Variants in KCNH5 observed in about 807,000 individuals in gnomAD.
KCNH5 encodes the protein potassium voltage-gated channel subfamily H member 5, also known as voltage-gated delayed rectifier potassium channel KCNH5.
KCNH5 carries 46 observed loss-of-function variants against 96.1 expected under a neutral mutation model. The observed-to-expected ratio is 0.48, with a 90% confidence interval of 0.38 to 0.61. The LOEUF (loss-of-function observed/expected upper bound fraction) is 0.61. Among genes scored for constraint, KCNH5 ranks in the 20% least tolerant of loss-of-function variants. The probability of loss-of-function intolerance (pLI) is 0.00; values close to 1 mark genes in which losing one functional copy is unlikely to be tolerated. For synonymous variants in KCNH5, 439 were observed against 449.8 expected (o/e 0.98, Z 0.30); for missense variants, 907 against 1,225.8 (o/e 0.74, Z 3.88).
intron 7 of KCNH5, among the ~76,000 whole-genome samples, chr14:62,864,002 G>A (rs1888086401): frequency 6.6e-6 from 1 of 151,960 alleles, no homozygotes; most frequent in African/African-American, 2.4e-5. Flanking sequence ...CATTCCATAG[G>A]TTACCATAAT....
chr14:62,956,725 C>T (rs537965954), intron 6 of KCNH5, among the ~76,000 whole-genome samples: 39 of 152,076 alleles, frequency 2.6e-4, no homozygotes, highest in African/African-American at 7.5e-4. Flanking sequence ...GATTGGGCCA[C>T]GAATTGCATT....
intron 2 of KCNH5, among the ~76,000 whole-genome samples, chr14:63,008,545 G>T (rs1315742595): frequency 6.6e-6 from 1 of 151,696 alleles, no homozygotes; most frequent in African/African-American, 2.4e-5. Flanking sequence ...AAGTGGGTAA[G>T]GCAGATCAAA....
chr14:62,753,946 A>C (rs1311121643), intron 10 of KCNH5, among the ~76,000 whole-genome samples: 3 of 152,224 alleles, frequency 2.0e-5, no homozygotes, highest in African/African-American at 7.2e-5. Flanking sequence ...AAAATATAGA[A>C]TATAATAACA....
chr14:62,871,108 C>T (rs774672046), intron 7 of KCNH5, among the ~76,000 whole-genome samples: 12 of 152,118 alleles, frequency 7.9e-5, no homozygotes, highest in Non-Finnish European at 1.6e-4. Flanking sequence ...ACATGTCAAG[C>T]TCTTGTCTTC....
intron 1 of KCNH5, among the ~76,000 whole-genome samples, chr14:63,040,811 G>A (rs1891809334): frequency 6.6e-6 from 1 of 151,980 alleles, no homozygotes; most frequent in African/African-American, 2.4e-5. Context: ...ACAAGTAAGA[G>A]ATAGCTGAGT....
chr14:62,999,232 C>A (rs1890966401), intron 4 of KCNH5, among the ~76,000 whole-genome samples: 1 of 152,176 alleles, frequency 6.6e-6, no homozygotes, highest in Admixed American at 6.5e-5. Flanking sequence ...GCCATTCTAA[C>A]TGGTGCGAGA....
At chr14:62,846,730 A>T (rs1330991050) in intron 8 of KCNH5, among the ~76,000 whole-genome samples, 2 of 144,428 alleles carry the variant, frequency 1.4e-5, no homozygotes, top group Non-Finnish European at 3.0e-5. Context: ...TTAATTACTA[A>T]TTCTTTTGTC....
At chr14:63,011,594 T>A (rs902213323) in intron 2 of KCNH5, among the ~76,000 whole-genome samples, 4 of 152,222 alleles carry the variant, frequency 2.6e-5, no homozygotes, top group Non-Finnish European at 5.9e-5. Flanking sequence ...ACCCATTGAT[T>A]TACATGGTCT....
intron 9 of KCNH5, among the ~76,000 whole-genome samples, chr14:62,796,204 T>TG (rs1214590975): frequency 2.0e-5 from 3 of 152,130 alleles, no homozygotes; most frequent in Non-Finnish European, 4.4e-5. Context: ...AACATTGAAA[T>TG]GGAGGTTGAA....
intron 7 of KCNH5, among the ~76,000 whole-genome samples, chr14:62,880,566 G>A (rs1310746128): frequency 6.6e-6 from 1 of 152,128 alleles, no homozygotes; most frequent in East Asian, 1.9e-4. Context: ...CAATTATTGA[G>A]CATCAGCTGT....
chr14:62,783,741 A>T (rs1184231293), intron 9 of KCNH5, among the ~76,000 whole-genome samples: 3 of 152,126 alleles, frequency 2.0e-5, no homozygotes, highest in Non-Finnish European at 4.4e-5. Context: ...AATTGTAAAA[A>T]TATGTGTAAA....
At chr14:62,868,024 C>G (rs1160468456) in intron 7 of KCNH5, among the ~76,000 whole-genome samples, 1 of 152,234 alleles carries the variant, frequency 6.6e-6, no homozygotes, top group East Asian at 1.9e-4. Context: ...AAAATGTAAA[C>G]TCCTTGAGAT....
At chr14:63,013,432 A>C (rs1891266193) in intron 2 of KCNH5, among the ~76,000 whole-genome samples, 1 of 152,132 alleles carries the variant, frequency 6.6e-6, no homozygotes, top group Non-Finnish European at 1.5e-5. Flanking sequence ...AAAAACTTAT[A>C]ATGATAAGCA....
chr14:62,787,185 C>G (rs145583466), intron 9 of KCNH5, among the ~76,000 whole-genome samples: 1 of 152,304 alleles, frequency 6.6e-6, no homozygotes, highest in East Asian at 1.9e-4. Context: ...AAGGAAGTTA[C>G]AAGTGCTACT....
chr14:62,926,782 G>T (rs527454496), intron 7 of KCNH5, among the ~76,000 whole-genome samples: 6 of 152,184 alleles, frequency 3.9e-5, no homozygotes, highest in African/African-American at 1.4e-4. Context: ...TAAAGGCCCT[G>T]TATCTCATAC....
chr14:62,861,673 CA>C (rs1888037153), intron 7 of KCNH5, among the ~76,000 whole-genome samples: 1 of 148,656 alleles, frequency 6.7e-6, no homozygotes, highest in Non-Finnish European at 1.5e-5. Context: ...CACACACACA[CA>C]CGGTATAATT....
intron 8 of KCNH5, among the ~76,000 whole-genome samples, chr14:62,846,087 G>A (rs981905324): frequency 1.6e-4 from 25 of 152,162 alleles, no homozygotes; most frequent in Middle Eastern, 6.8e-3. Context: ...TGCTAAGATT[G>A]GGCATCATCT....
intron 7 of KCNH5, among the ~76,000 whole-genome samples, chr14:62,935,498 T>C (rs1026634037): frequency 3.3e-5 from 5 of 152,190 alleles, no homozygotes; most frequent in Non-Finnish European, 5.9e-5. Context: ...AAAGGTCTCA[T>C]GGCAGTAAAC....
At chr14:62,761,227 C>T (rs1977631) in intron 10 of KCNH5, among the ~76,000 whole-genome samples, 35,493 of 150,674 alleles carry the variant, frequency 0.24, 5,322 homozygotes, top group South Asian at 0.53. Context: ...TGGTGGCGGG[C>T]GCTTGTAATC....
Sources: allele counts gnomAD v4.1 joint callset (sites outside exome capture counted in the v4.1 genomes callset), GRCh38; gene constraint gnomAD v4.1.1; transcripts MANE v1.5; gene names NCBI Gene and HGNC (gene_info 2026-07-23, HGNC 2026-07-21).